Variants in MARCHF10 observed in about 807,000 individuals in gnomAD.
MARCHF10 encodes the protein probable E3 ubiquitin-protein ligase MARCHF10.
Under a neutral mutation model 76.2 loss-of-function variants are expected in MARCHF10, and 64 were observed. That is an observed-to-expected ratio of 0.84 (90% CI 0.69 to 1.03). The LOEUF (loss-of-function observed/expected upper bound fraction) is 1.03. MARCHF10 is among the 50% of genes least tolerant of loss of function. The pLI is 0.00. For synonymous variants in MARCHF10, 340 were observed against 357.5 expected (o/e 0.95, Z 0.55); for missense variants, 875 against 958.0 (o/e 0.91, Z 1.14).
intron 3 of MARCHF10, among the ~76,000 whole-genome samples, chr17:62,775,064 G>T (rs1174859902): frequency 6.7e-6 from 1 of 149,244 alleles, no homozygotes; most frequent in East Asian, 2.0e-4. Flanking sequence ...CCACAAAAAA[G>T]AAAAAACAAA....
intron 4 of MARCHF10, chr17:62,746,849 C>T: frequency 6.6e-7 from 1 of 1,516,342 alleles, no homozygotes; most frequent in Non-Finnish European, 8.9e-7. Context: ...CCACTGAGCC[C>T]CGCCACTGCA....
intron 2 of MARCHF10, among the ~76,000 whole-genome samples, chr17:62,798,199 A>T (rs780514151): frequency 3.1e-4 from 47 of 152,134 alleles, no homozygotes; most frequent in Non-Finnish European, 5.3e-4. Flanking sequence ...GTGAACTAGA[A>T]AAAAATTGGG....
At chr17:62,743,302 T>TAAC (rs2091581965) in intron 5 of MARCHF10, among the ~76,000 whole-genome samples, 1 of 152,196 alleles carries the variant, frequency 6.6e-6, no homozygotes, top group African/African-American at 2.4e-5. Context: ...ATCAAAATAC[T>TAAC]AACACATTCT....
At position 62,738,039 on chromosome 17, in the gene MARCHF10, GTCTC is replaced by G. The variant is rs756970267; in HGVS notation, c.536-711_536-708del. 4 of 96,312 alleles carry G rather than the reference GTCTC, an allele frequency of 4.2e-5. No homozygotes were observed. In the East Asian group the frequency reaches 1.1e-3, roughly 26 times the overall value. The allele number at this position is 96,312 out of a possible 1,614,324, so 6.0% of individuals were successfully genotyped here. A position where few individuals can be genotyped will look rare whatever the true frequency, so the allele number is the denominator to read the frequency against. On this transcript the variant is annotated intron_variant, in intron 5 of 10. Transcript: ENST00000311269. The surrounding 1 kb of genome is among the most constrained non-coding windows in gnomAD (Gnocchi z 4.0). ...TGAACTGGCCAGAAGCATGCTAACT[GTCTC>G]TCTCTGTCTCTCTCTGTCACACACA...
Position 62,794,644 on chromosome 17 carries a change from C to T in MARCHF10, c.91-6045G>A, listed in dbSNP as rs150956449. ...TGTTTCTTTCATTATCAATCTGATC[C>T]CTCCAGTCATCATGTGACTTCAGAA... On this transcript the variant is annotated intron_variant, in intron 2 of 10. Transcript: ENST00000311269. 2.9e-4 allele frequency among the ~76,000 whole-genome samples: 44 copies of T among 152,274 alleles called. No homozygotes were observed. In the East Asian group the frequency reaches 8.5e-3, roughly 29 times the overall value.
rs2147812646 is a variant in MARCHF10 at position 62,737,040 on chromosome 17, A to G, written c.828T>C (p.Phe276=). ...TGCTGTTCAATGACAAAATGGAATAAAAGTCTTCATCTCGGAACCTAAATG... is the reference window on the plus strand; with the variant it reads ...TGCTGTTCAATGACAAAATGGAATAGAAGTCTTCATCTCGGAACCTAAATG... ...KASFRFRDED[F]YSILSLNSRR... is the part of the protein sequence containing the mutation. Residue 276 remains phenylalanine, a synonymous_variant, in exon 6 of 11, where the codon TTT becomes TTC. Transcript: ENST00000311269. 6.2e-7 allele frequency: 1 copy of G among 1,614,098 alleles called. No individual in the cohort carries two copies. The highest frequency in any genetic ancestry group is 8.5e-7 in the Non-Finnish European group (1 of 1,180,016).
chr17:62,746,369 A>G (rs893398843), intron 4 of MARCHF10, among the ~76,000 whole-genome samples: 4 of 152,098 alleles, frequency 2.6e-5, no homozygotes, highest in Non-Finnish European at 1.5e-5. Context: ...GAAAATGAGA[A>G]GATAGTCTTG....
At chr17:62,797,349 T>C (rs9910742) in intron 2 of MARCHF10, among the ~76,000 whole-genome samples, 105,198 of 151,882 alleles carry the variant, frequency 0.69, 37,334 homozygotes, top group African/African-American at 0.88. Context: ...GGATTACAGG[T>C]GCCTGACACC....
Position 62,736,662 on chromosome 17 carries a change from C to A in MARCHF10, c.1206G>T (p.Ser402=). The change falls in exon 6 of 11, where the codon TCG becomes TCT. Residue 402 remains serine, a synonymous_variant. Transcript: ENST00000311269. ...GSENAKKSPL[S]WDTKSEPRQE... ...GTCTGGGCTCGGATTTGGTGTCCCA[C>A]GAAAGAGGGCTCTTTTTCGCATTTT... The A allele has an allele frequency of 6.2e-7, 1 of 1,614,120 alleles. No individual in the cohort carries two copies.
At chr17:62,735,506 T>G in intron 6 of MARCHF10, 1 of 158,976 alleles carries the variant, frequency 6.3e-6, no homozygotes, top group Non-Finnish European at 1.4e-5. Flanking sequence ...TCTAGAACTG[T>G]TGGTTGGATT....
At chr17:62,789,849 G>A (rs2092812861) in intron 2 of MARCHF10, among the ~76,000 whole-genome samples, 1 of 152,084 alleles carries the variant, frequency 6.6e-6, no homozygotes, top group African/African-American at 2.4e-5. Context: ...CATGAGAATT[G>A]CTTGAACCTG....
chr17:62,740,423 T>A (rs2091463947), intron 5 of MARCHF10, among the ~76,000 whole-genome samples: 1 of 152,158 alleles, frequency 6.6e-6, no homozygotes, highest in Non-Finnish European at 1.5e-5. Flanking sequence ...TTTCCTACAT[T>A]CCAACAGCCA....
At chr17:62,731,013 C>G (rs2091003024) in intron 6 of MARCHF10, among the ~76,000 whole-genome samples, 1 of 152,126 alleles carries the variant, frequency 6.6e-6, no homozygotes, top group Non-Finnish European at 1.5e-5. Context: ...GACAGCAAAG[C>G]CCATATTTCT....
chr17:62,741,763 T>C (rs4968738), intron 5 of MARCHF10, among the ~76,000 whole-genome samples: 79,466 of 151,888 alleles, frequency 0.52, 21,691 homozygotes, highest in East Asian at 0.71. Context: ...GTGGTTATCT[T>C]GGCTCACTGC....
chr17:62,726,504 A>C (rs912447779), intron 6 of MARCHF10, among the ~76,000 whole-genome samples: 4 of 152,260 alleles, frequency 2.6e-5, no homozygotes, highest in African/African-American at 9.6e-5. Flanking sequence ...CATAATTTCC[A>C]TATTTTCGTA....
At chr17:62,746,719 C>T (rs907423676) in intron 4 of MARCHF10, 5 of 623,598 alleles carry the variant, frequency 8.0e-6, no homozygotes, top group Non-Finnish European at 1.4e-5. Context: ...TCTAGAAGGT[C>T]AGGACCTGGC....
chr17:62,778,191 T>C (rs2092589052), intron 3 of MARCHF10, among the ~76,000 whole-genome samples: 1 of 151,950 alleles, frequency 6.6e-6, no homozygotes, highest in African/African-American at 2.4e-5. Flanking sequence ...CTCCAGAAAC[T>C]TTTTTCAGAG....
chr17:62,708,148 G>A (rs567471244), intron 9 of MARCHF10, among the ~76,000 whole-genome samples: 1 of 152,004 alleles, frequency 6.6e-6, no homozygotes, highest in Non-Finnish European at 1.5e-5. Flanking sequence ...GAACTTGGAA[G>A]TATTCCTTTA....
chr17:62,719,938 T>C (rs2090401658), intron 8 of MARCHF10, among the ~76,000 whole-genome samples: 1 of 152,250 alleles, frequency 6.6e-6, no homozygotes, highest in Admixed American at 6.5e-5. Flanking sequence ...TCAAAGATTC[T>C]TTCCTCAGCT....
Sources: allele counts gnomAD v4.1 joint callset (sites outside exome capture counted in the v4.1 genomes callset), GRCh38; gene constraint gnomAD v4.1.1; non-coding constraint Gnocchi (gnomAD v3.1); transcripts MANE v1.5; gene names NCBI Gene and HGNC (gene_info 2026-07-23, HGNC 2026-07-21).